The following DHX16 variants were observed in gnomAD, a reference collection of about 807,000 sequenced individuals.
DHX16 encodes the protein pre-mRNA-splicing factor ATP-dependent RNA helicase DHX16.
In DHX16, 81 loss-of-function variants were observed where a neutral mutation model predicts 131.2. The observed-to-expected ratio is 0.62, with a 90% CI of 0.52 to 0.74. The LOEUF (loss-of-function observed/expected upper bound fraction) is 0.74, where lower values mean the gene tolerates loss of function less well. Among genes scored for constraint, DHX16 ranks in the 30% least tolerant of loss-of-function variants. The pLI is 0.00. For synonymous variants in DHX16, 440 were observed against 520.2 expected (o/e 0.85, Z 2.10); for missense variants, 980 against 1,363.1 (o/e 0.72, Z 4.43).
chr6:30,657,030 C>G lies in DHX16; in HGVS notation c.2070G>C (p.Leu690=), dbSNP rs2127579660. ...TCTTCTGCTTACAGAACCCTGGATCCAGCACATAAATGATGCCCTCAATGG... is the reference window on the plus strand; with the variant it reads ...TCTTCTGCTTACAGAACCCTGGATCGAGCACATAAATGATGCCCTCAATGG... ...SLTIEGIIYV[L]DPGFCKQKSY... is the part of the protein sequence containing the mutation. The change falls in exon 13 of 20, where the codon CTG becomes CTC. Residue 690 remains leucine (L), a synonymous_variant. Transcript: ENST00000376442. 1 of 1,613,068 alleles carries G rather than the reference C, an allele frequency of 6.2e-7. No homozygotes were observed. Among genetic ancestry groups the G allele is most frequent in the East Asian group, 2.2e-5 (1 of 44,884 alleles).
chr6:30,654,657 A>ATC, intron 19 of DHX16, 49 bp downstream of exon 19: 1 of 1,532,092 alleles, frequency 6.5e-7, no homozygotes, highest in Non-Finnish European at 8.8e-7. Flanking sequence ...CCAGGACACC[A>ATC]TCTCTCTACA....
At chr6:30,655,961 T>C (rs1767939364) in intron 16 of DHX16, among the ~76,000 whole-genome samples, 1 of 152,158 alleles carries the variant, frequency 6.6e-6, no homozygotes, top group Non-Finnish European at 1.5e-5. Flanking sequence ...AATGTTCTAG[T>C]TGGAAACCTT....
chr6:30,663,488 G>A (rs1163747964), intron 7 of DHX16, among the ~76,000 whole-genome samples: 2 of 151,912 alleles, frequency 1.3e-5, no homozygotes, highest in African/African-American at 2.4e-5. Context: ...TTGGGAGGCC[G>A]AGGCAGACGG....
Position 30,656,750 on chromosome 6 carries a change from T to A in DHX16, c.2158A>T (p.Asn720Tyr). Reference protein sequence around the residue: ...TVTPCSKASANQRAGRAGRVA... With the variant: ...TVTPCSKASAYQRAGRAGRVA... ...CGACCTGCCCTGCCAGCTCGCTGAT[T>A]GGCTGAGGCCTGGAAAGAAAGGGGA... Residue 720 changes from asparagine to tyrosine, a missense_variant, in exon 14 of 20, where the codon AAT (asparagine) becomes TAT (tyrosine). Physicochemically the swap from Asn to Tyr is moderately radical, Grantham distance 143. Transcript: ENST00000376442. The surrounding 1 kb of genome is among the most constrained non-coding windows in gnomAD (Gnocchi z 5.1). 1 of 1,612,438 alleles carries A rather than the reference T, an allele frequency of 6.2e-7. No homozygotes were observed. Among genetic ancestry groups the A allele is most frequent in the Non-Finnish European group, 8.5e-7 (1 of 1,180,020 alleles).
At chr6:30,664,091 G>A (rs1215429676) in intron 7 of DHX16, among the ~76,000 whole-genome samples, 1 of 152,056 alleles carries the variant, frequency 6.6e-6, no homozygotes, top group Non-Finnish European at 1.5e-5. Flanking sequence ...AGGAGGCTGA[G>A]GTGGGATGAT....
intron 10 of DHX16, 36 bp from the exon 11 acceptor site, chr6:30,659,870 C>T (rs775184721): frequency 1.2e-6 from 2 of 1,602,500 alleles, no homozygotes; most frequent in Non-Finnish European, 1.7e-6. Flanking sequence ...ACAGGAGGGC[C>T]ACCTGCTTAG....
rs1343014410 is a variant in DHX16, at chr6:30,654,810, G to T, written c.2893C>A (p.Gln965Lys). The change falls in exon 19 of 20, where the codon CAG becomes AAG. Residue 965 changes from glutamine (Q) to lysine (K), a missense_variant. Around this residue, in one of 3 missense-constraint regions of DHX16, gnomAD observed 214 missense variants for 271.2 expected, o/e 0.79. Transcript: ENST00000376442. ...TRSGYRTVKQ[Q>K]QTVFIHPNSS... ...TTGGGATGAATGAAGACTGTCTGCT[G>T]CTGTTTCACTGTGCGGTAGCCACTC... 1 of 1,613,058 alleles carries T rather than the reference G, an allele frequency of 6.2e-7. No homozygotes were observed. Among genetic ancestry groups the T allele is most frequent in the Non-Finnish European group, 8.5e-7 (1 of 1,180,018 alleles).
rs1163062601 is a variant in DHX16 at position 30,655,164 on chromosome 6, G to A, written c.2823+11C>T. 4.3e-6 allele frequency: 7 copies of A among 1,614,118 alleles called. No homozygotes were observed. Among genetic ancestry groups the A allele is most frequent in the Non-Finnish European group, 5.9e-6 (7 of 1,180,010 alleles). ...TGGGGGTGGAAAGCAGGAGGCTGAA[G>A]AAATGCTGACCTTGCGTACACGGAT... is the stretch of plus-strand genomic sequence containing the variant. On this transcript the variant is annotated intron_variant, in intron 18 of 19. Coordinates refer to ENST00000376442, the MANE Select transcript of DHX16 (RefSeq NM_003587.5).
intron 19 of DHX16, among the ~76,000 whole-genome samples, chr6:30,653,587 T>C (rs907729487): frequency 2.0e-5 from 3 of 152,374 alleles, no homozygotes; most frequent in East Asian, 1.9e-4. Context: ...TTTTGTATAG[T>C]TGGGGTCTCA....
rs1215372171 is a variant in DHX16 at position 30,659,965 on chromosome 6, G to C, written c.1755+67C>G. On this transcript the variant is annotated intron_variant, in intron 10 of 19. Transcript: ENST00000376442. ...TTCCATTCCATCTTTCCCTCCACAG[G>C]ATAACCTTCTCCAAAGGCCTCAGCT... is the stretch of plus-strand genomic sequence containing the variant. 7 of 1,571,754 alleles carry C rather than the reference G, an allele frequency of 4.5e-6. No homozygotes were observed. The Admixed American group carries it at 1.2e-4, about 27-fold the overall frequency.
In DHX16 at chr6:30,665,016, A is replaced by G. The variant is rs764518738; in HGVS notation, c.1126-24T>C. On this transcript the variant is annotated intron_variant, in intron 6 of 19. Coordinates refer to ENST00000376442, the MANE Select transcript of DHX16 (RefSeq NM_003587.5). This position sits in a 1 kb window ranked among gnomAD's most constrained non-coding sequence, Gnocchi z 4.8. The stretch of plus-strand genomic sequence containing the variant: ...TCCTAAGGAAAGAGAAGGAGGTGTG[A>G]GCTAAATAGCTCGCTACGGGTCTTC... The G allele has an allele frequency of 2.5e-5, 40 of 1,613,710 alleles. No homozygotes were observed. The highest frequency in any genetic ancestry group is 3.4e-5 in the Non-Finnish European group (40 of 1,179,790).
chr6:30,656,466 T>C lies in DHX16; in HGVS notation c.2355A>G (p.Pro785=), dbSNP rs747677007. The C allele has an allele frequency of 1.9e-6, 3 of 1,614,074 alleles. No individual in the cohort carries two copies. The highest frequency in any genetic ancestry group is 2.7e-5 in the African/African-American group (2 of 74,924). The change falls in exon 15 of 20, where the codon CCA becomes CCG. Residue 785 remains proline, a synonymous_variant. Transcript: ENST00000376442. This position sits in a 1 kb window ranked among gnomAD's most constrained non-coding sequence, Gnocchi z 5.1. ...LMHFDFLDPP[P]YETLLLALEQ... ...CCAAAGCCAGCAGCAGTGTCTCATA[T>C]GGTGGAGGGTCCAGGAAATCAAAGT...
chr6:30,671,379 C>T (rs1024379985), intron 1 of DHX16, 105 bp from the exon 2 acceptor site: 3 of 1,094,876 alleles, frequency 2.7e-6, no homozygotes, highest in South Asian at 3.0e-5. Context: ...TTCCTGCCCC[C>T]GCGGCCCGGC....
In DHX16 at chr6:30,672,577, C is replaced by A. The variant is rs1028842995; in HGVS notation, c.207+58G>T. 13 of 1,474,676 alleles carry A rather than the reference C, an allele frequency of 8.8e-6. No individual in the cohort carries two copies. In the Admixed American group the frequency reaches 2.0e-4, roughly 22 times the overall value. 91.3% of individuals were successfully genotyped at this position (1,474,676 alleles called of 1,614,324 possible). On this transcript the variant is annotated intron_variant, in intron 1 of 19. Coordinates refer to ENST00000376442, the MANE Select transcript of DHX16 (RefSeq NM_003587.5). ...TGAGCTTTCTTAACTTCTCGATGGA[C>A]CGTTAGGCCAGCCTCACCGGGACAA...
rs747391687 is a variant in DHX16 at position 30,672,792 on chromosome 6, G to A, written c.50C>T (p.Ser17Leu). The change falls in exon 1 of 20, where the codon TCG (serine) becomes TTG (leucine). Residue 17 changes from serine (S) to leucine (L), a missense_variant. Physicochemically the swap from Ser to Leu is moderately radical, Grantham distance 145. Around this residue, in one of 3 missense-constraint regions of DHX16, gnomAD observed 457 missense variants for 554.8 expected, o/e 0.82. Coordinates refer to ENST00000376442, the MANE Select transcript of DHX16 (RefSeq NM_003587.5). ...GTGCCGCTCGCTCAGCCCCAACACCGAGTGCAGCTCGTCCTGAACCCAGCG... is the reference window on the plus strand; with the variant it reads ...GTGCCGCTCGCTCAGCCCCAACACCAAGTGCAGCTCGTCCTGAACCCAGCG... ...LERWVQDELH[S>L]VLGLSERHVA... 6.2e-6 allele frequency: 10 copies of A among 1,612,938 alleles called. No individual in the cohort carries two copies. Among genetic ancestry groups the A allele is most frequent in the Non-Finnish European group, 7.6e-6 (9 of 1,180,038 alleles).
intron 19 of DHX16, among the ~76,000 whole-genome samples, chr6:30,653,654 G>A (rs1333276018): frequency 2.4e-4 from 2 of 8,196 alleles, no homozygotes; most frequent in African/African-American, 6.9e-4. Flanking sequence ...TTACAAAAAT[G>A]AGCCACTATG....
At position 30,671,140 on chromosome 6, in the gene DHX16, A is replaced by G; in HGVS notation, c.342T>C (p.Ala114=). ...EESSEETVSR[A]GSSLQKKRKK... is the part of the protein sequence containing the mutation. ...TACGTTTCTTCTGGAGGCTGCTTCC[A>G]GCCCTACTCACAGTCTCCTCACTGC... Residue 114 remains alanine, a synonymous_variant, in exon 2 of 20, where the codon GCT becomes GCC. Coordinates refer to ENST00000376442, the MANE Select transcript of DHX16 (RefSeq NM_003587.5). The G allele has an allele frequency of 6.2e-7, 1 of 1,612,986 alleles. No homozygotes were observed.
Position 30,654,890 on chromosome 6 carries a change from G to T in DHX16, c.2824-11C>A. On this transcript the variant is annotated splice_polypyrimidine_tract_variant and intron_variant, in intron 18 of 19. Coordinates refer to ENST00000376442, the MANE Select transcript of DHX16 (RefSeq NM_003587.5). ...ACCAGCAGTGATGGCCTAAGGAGCGGGCAGGAAAGAAAATCAATGGAAAAG... is the reference window on the plus strand; with the variant it reads ...ACCAGCAGTGATGGCCTAAGGAGCGTGCAGGAAAGAAAATCAATGGAAAAG... 6.2e-7 allele frequency: 1 copy of T among 1,602,970 alleles called. No homozygotes were observed. Among genetic ancestry groups the T allele is most frequent in the Non-Finnish European group, 8.5e-7 (1 of 1,174,720 alleles).
In DHX16 at chr6:30,672,854, T is replaced by C. The variant is rs1417370539; in HGVS notation, c.-13A>G. 1.2e-6 allele frequency: 2 copies of C among 1,611,948 alleles called. No individual in the cohort carries two copies. ...CCGGCGTCGCCATGGCGACTCACGC[T>C]CCCTGCTCCCGGCCCTGAAGCGTCG... On this transcript the variant is annotated 5_prime_UTR_variant, in exon 1 of 20. Transcript: ENST00000376442.
Sources: allele counts gnomAD v4.1 joint callset (sites outside exome capture counted in the v4.1 genomes callset), GRCh38; gene constraint gnomAD v4.1.1; regional missense constraint gnomAD v4.1.1; non-coding constraint Gnocchi (gnomAD v3.1); transcripts MANE v1.5; gene names NCBI Gene and HGNC (gene_info 2026-07-23, HGNC 2026-07-21).